Variants in LIPE observed in about 807,000 individuals in gnomAD.
LIPE encodes lipase E, hormone sensitive type.
LIPE carries 66 observed loss-of-function variants against 88.5 expected under a neutral mutation model. That is an observed-to-expected ratio of 0.75 (90% CI 0.61 to 0.91). The LOEUF (loss-of-function observed/expected upper bound fraction) is 0.91, where lower values mean the gene tolerates loss of function less well. Among genes scored for constraint, LIPE ranks in the 40% least tolerant of loss-of-function variants. The probability of loss-of-function intolerance (pLI) is 0.00; values close to 1 mark genes in which losing one functional copy is unlikely to be tolerated. For missense variants in LIPE, 1,346 were observed against 1,434.7 expected (o/e 0.94, Z 1.00); for synonymous variants, 570 against 617.5 (o/e 0.92, Z 1.14).
intron 1 of LIPE, among the ~76,000 whole-genome samples, chr19:42,422,582 TGTTA>T (rs1370659131): frequency 1.3e-5 from 2 of 152,164 alleles, no homozygotes; most frequent in South Asian, 2.1e-4. Flanking sequence ...TGAGGGGTGG[TGTTA>T]GTTTCCTTCC....
At position 42,426,424 on chromosome 19, in the gene LIPE, T is replaced by G; in HGVS notation, c.726A>C (p.Ser242=). ...SESESDVGSS[S]DTDSPATMGG... is the part of the protein sequence containing the mutation. The stretch of plus-strand genomic sequence containing the variant: ...CCATCGTGGCTGGAGAATCTGTGTC[T>G]GAAGATGATCCCACATCTGATTCTG... The change falls in exon 1 of 10, where the codon TCA becomes TCC. Residue 242 remains serine, a synonymous_variant. Coordinates refer to ENST00000244289, the MANE Select transcript of LIPE (RefSeq NM_005357.4). The G allele has an allele frequency of 6.2e-7, 1 of 1,614,154 alleles. No individual in the cohort carries two copies. Among genetic ancestry groups the G allele is most frequent in the Non-Finnish European group, 8.5e-7 (1 of 1,179,982 alleles).
Position 42,407,312 on chromosome 19 carries a change from G to C in LIPE, c.1999C>G (p.Leu667Val), listed in dbSNP as rs2040217418. The C allele has an allele frequency of 8.1e-6, 13 of 1,611,838 alleles. No homozygotes were observed. The South Asian group carries it at 1.4e-4, about 18-fold the overall frequency. The change falls in exon 6 of 10, where the codon CTC (leucine) becomes GTC (valine). Residue 667 changes from leucine to valine, a missense_variant. Leu to Val is a conservative substitution (Grantham distance 32). Coordinates refer to ENST00000244289, the MANE Select transcript of LIPE (RefSeq NM_005357.4). This position sits in a 1 kb window ranked among gnomAD's most constrained non-coding sequence, Gnocchi z 5.8. Reference protein sequence around the residue: ...AQTSRSHEPYLKSWAQELGAP... With the variant: ...AQTSRSHEPYVKSWAQELGAP... The stretch of plus-strand genomic sequence containing the variant: ...CCCAGCTCCTGGGCCCAGCTCTTGA[G>C]GTAGGGCTCGTGGGATCTGGAGGTC...
intron 1 of LIPE, chr19:42,423,367 C>G: frequency 1.6e-6 from 2 of 1,259,578 alleles, no homozygotes; most frequent in Non-Finnish European, 2.1e-6. Context: ...CCCACTGCCC[C>G]GTAGGATGTA....
rs568179079 is a variant in LIPE, at chr19:42,404,733, T to C, written c.2542+652A>G. 2.6e-5 allele frequency among the ~76,000 whole-genome samples: 4 copies of C among 152,352 alleles called. No individual in the cohort carries two copies. In the South Asian group the frequency reaches 8.3e-4, roughly 32 times the overall value. ...TGAGAATAACTACTTAAGTACTTTGTGGCCCAGAGGGTCACTGGAACAGAA... is the reference window on the plus strand; with the variant it reads ...TGAGAATAACTACTTAAGTACTTTGCGGCCCAGAGGGTCACTGGAACAGAA... On this transcript the variant is annotated intron_variant, in intron 8 of 9. Coordinates refer to ENST00000244289, the MANE Select transcript of LIPE (RefSeq NM_005357.4).
chr19:42,422,913 C>A (rs34296277), intron 1 of LIPE: 2,227 of 156,516 alleles, frequency 0.014, 35 homozygotes, highest in Non-Finnish European at 0.018. Context: ...GGGTGGGAGG[C>A]CGGGACTGCG....
rs749453513 is a variant in LIPE at position 42,426,583 on chromosome 19, C to T, written c.567G>A (p.Thr189=). The change falls in exon 1 of 10, where the codon ACG becomes ACA. Residue 189 remains threonine (T), a synonymous_variant. Transcript: ENST00000244289. ...ETPEQSDKQT[T]PVQGAKSKQG... ...GCTTGGATTTGGCTCCCTGGACTGG[C>T]GTTGTTTGCTTGTCTGACTGTTCAG... is the stretch of plus-strand genomic sequence containing the variant. 11 of 1,614,168 alleles carry T rather than the reference C, an allele frequency of 6.8e-6. No homozygotes were observed. The highest frequency in any genetic ancestry group is 4.5e-5 in the East Asian group (2 of 44,874).
Position 42,426,936 on chromosome 19 carries a change from G to T in LIPE, c.214C>A (p.Gln72Lys). The change falls in exon 1 of 10, where the codon CAG (glutamine) becomes AAG (lysine). Residue 72 changes from glutamine (Q) to lysine (K), a missense_variant. Coordinates refer to ENST00000244289, the MANE Select transcript of LIPE (RefSeq NM_005357.4). ...ETPAQHDAES[Q>K]KEPRAQQKSA... is the part of the protein sequence containing the mutation. ...TTTTGTTGGGCTCTAGGTTCCTTCTGGGATTCAGCATCATGTTGTGCAGGG... is the reference window on the plus strand; with the variant it reads ...TTTTGTTGGGCTCTAGGTTCCTTCTTGGATTCAGCATCATGTTGTGCAGGG... The T allele has an allele frequency of 6.2e-7, 1 of 1,614,104 alleles. No homozygotes were observed. The highest frequency in any genetic ancestry group is 8.5e-7 in the Non-Finnish European group (1 of 1,180,010).
chr19:42,414,105 C>T lies in LIPE; in HGVS notation c.884-3263G>A, dbSNP rs2040440409. Among the ~76,000 whole-genome samples the T allele has an allele frequency of 6.6e-6, 1 of 152,066 alleles. No homozygotes were observed. Among genetic ancestry groups the T allele is most frequent in the Admixed American group, 6.6e-5 (1 of 15,246 alleles). ...CATCCTGGCCAACATGCTGAAACCC[C>T]GTCTCTACTAAAAATACAAAAATTA... On this transcript the variant is annotated intron_variant, in intron 1 of 9. Transcript: ENST00000244289. This position sits in a 1 kb window ranked among gnomAD's most constrained non-coding sequence, Gnocchi z 4.6.
At position 42,414,451 on chromosome 19, in the gene LIPE, G is replaced by A. The variant is rs2040450127; in HGVS notation, c.884-3609C>T. The stretch of plus-strand genomic sequence containing the variant: ...GGTGGGAGACATAATTTATAAGTGG[G>A]GCCATGGCCGGCATGTTCTGCATGT... On this transcript the variant is annotated intron_variant, in intron 1 of 9. Coordinates refer to ENST00000244289, the MANE Select transcript of LIPE (RefSeq NM_005357.4). This position sits in a 1 kb window ranked among gnomAD's most constrained non-coding sequence, Gnocchi z 4.6. Among the ~76,000 whole-genome samples, 1 of 152,190 alleles carries A rather than the reference G, an allele frequency of 6.6e-6. No homozygotes were observed.
chr19:42,412,624 A>T (rs1222019086), intron 1 of LIPE: 7 of 961,690 alleles, frequency 7.3e-6, no homozygotes, highest in Non-Finnish European at 8.7e-6. Flanking sequence ...CTGCCTTAGA[A>T]CCCAGGAGTC....
chr19:42,424,789 C>T (rs1037126909), intron 1 of LIPE: 2 of 360,174 alleles, frequency 5.6e-6, no homozygotes, highest in African/African-American at 2.1e-5. Flanking sequence ...CTTGTATTCC[C>T]CCCTTCTCCA....
chr19:42,426,340 C>G lies in LIPE; in HGVS notation c.810G>C (p.Val270=). Residue 270 remains valine (V), a synonymous_variant, in exon 1 of 10, where the codon GTG becomes GTC. Coordinates refer to ENST00000244289, the MANE Select transcript of LIPE (RefSeq NM_005357.4). ...GCGACGTCCCACTGTATCCTGACAT[C>G]ACTTTATAACCAGATTTTCCTTTGA... The part of the protein sequence containing the change: ...LGFKGKSGYK[V]MSGYSGTSPH... 1 of 1,613,386 alleles carries G rather than the reference C, an allele frequency of 6.2e-7. No homozygotes were observed. The highest frequency in any genetic ancestry group is 8.5e-7 in the Non-Finnish European group (1 of 1,179,432).
chr19:42,427,006 T>G lies in LIPE; in HGVS notation c.144A>C (p.Gln48His). ...GTCTTTGGTTTGAAGCAGGCTTCTG[T>G]TGGGTATTGGATCCCTGCAGAGTCT... ...ESKTLQGSNT[Q>H]QKPASNQRPL... Residue 48 changes from glutamine (Q) to histidine (H), a missense_variant, in exon 1 of 10, where the codon CAA becomes CAC. Gln to His is a conservative substitution (Grantham distance 24, BLOSUM62 0). Transcript: ENST00000244289. 6.2e-7 allele frequency: 1 copy of G among 1,613,926 alleles called. No homozygotes were observed. Among genetic ancestry groups the G allele is most frequent in the Non-Finnish European group, 8.5e-7 (1 of 1,179,976 alleles).
chr19:42,404,581 C>T (rs1161684842), intron 8 of LIPE, among the ~76,000 whole-genome samples: 1 of 152,244 alleles, frequency 6.6e-6, no homozygotes, highest in Admixed American at 6.5e-5. Flanking sequence ...CCAAGCTGGT[C>T]TTGAACTCCT....
Position 42,407,553 on chromosome 19 carries a change from C to G in LIPE, c.1842+53G>C. ...CTCCATGGGGATGCCAAGGTGGGGG[C>G]TGCCCACGCTCCTCGGCTCTGTCCC... On this transcript the variant is annotated intron_variant, in intron 5 of 9. Transcript: ENST00000244289. This position sits in a 1 kb window ranked among gnomAD's most constrained non-coding sequence, Gnocchi z 5.8. 6.3e-7 allele frequency: 1 copy of G among 1,575,126 alleles called. No homozygotes were observed. The highest frequency in any genetic ancestry group is 8.6e-7 in the Non-Finnish European group (1 of 1,157,470).
Position 42,408,572 on chromosome 19 carries a change from A to G in LIPE, c.1420-250T>C. ...GGAATGACGAATGGTTTGGAAAAAA[A>G]AAAAGGCAGTAGGTGGAGAGGGCAC... On this transcript the variant is annotated intron_variant, in intron 2 of 9. Coordinates refer to ENST00000244289, the MANE Select transcript of LIPE (RefSeq NM_005357.4). This position sits in a 1 kb window ranked among gnomAD's most constrained non-coding sequence, Gnocchi z 4.3. 2.0e-6 allele frequency: 1 copy of G among 505,142 alleles called. No homozygotes were observed. Among genetic ancestry groups the G allele is most frequent in the East Asian group, 3.6e-5 (1 of 27,976 alleles). The allele number at this position is 505,142 out of a possible 1,614,324, so 31.3% of individuals were successfully genotyped here.
intron 1 of LIPE, among the ~76,000 whole-genome samples, chr19:42,411,765 G>A (rs1443317332): frequency 2.6e-5 from 4 of 152,128 alleles, no homozygotes; most frequent in East Asian, 1.9e-4. Flanking sequence ...TTGCATGGCC[G>A]GCCCTGCTCC....
chr19:42,409,885 G>T (rs960781405), intron 2 of LIPE, among the ~76,000 whole-genome samples: 1 of 152,148 alleles, frequency 6.6e-6, no homozygotes, highest in Admixed American at 6.5e-5. Flanking sequence ...CTGGAGATGT[G>T]GGGTGGGAGG....
chr19:42,422,585 T>TA (rs1262315175), intron 1 of LIPE, among the ~76,000 whole-genome samples: 1 of 152,142 alleles, frequency 6.6e-6, no homozygotes, highest in Non-Finnish European at 1.5e-5. Context: ...GGGGTGGTGT[T>TA]AGTTTCCTTC....
Sources: gnomAD v4.1 joint callset for allele counts (sites outside exome capture counted in the v4.1 genomes callset) on GRCh38, gnomAD v4.1.1 for gene constraint, Gnocchi (gnomAD v3.1) non-coding constraint, MANE v1.5 for transcripts, NCBI Gene and HGNC (gene_info 2026-07-23, HGNC 2026-07-21) for gene names.